Variants in TRPM3 observed in about 807,000 individuals in gnomAD.
TRPM3 encodes transient receptor potential cation channel subfamily M member 3, also known as long transient receptor potential channel 3.
Under a neutral mutation model 181.2 loss-of-function variants are expected in TRPM3, and 77 were observed. The ratio of observed to expected loss-of-function variants is 0.42; its 90% CI spans 0.35 to 0.51. The LOEUF (loss-of-function observed/expected upper bound fraction) is 0.51, where lower values mean the gene tolerates loss of function less well. Ranked by LOEUF, TRPM3 falls within the 20% of genes least tolerant of loss-of-function variation. The pLI, the probability that TRPM3 is intolerant of heterozygous loss-of-function variation, is 0.01. For missense variants in TRPM3, 1,759 were observed against 2,196.7 expected, an observed-to-expected ratio of 0.80 and a Z score of 3.98; for synonymous variants, 745 against 796.4, an observed-to-expected ratio of 0.94 and a Z score of 1.09.
chr9:70,655,181 C>T (rs2060136875), intron 9 of TRPM3, among the ~76,000 whole-genome samples: 1 of 150,362 alleles, frequency 6.7e-6, no homozygotes, highest in Non-Finnish European at 1.5e-5. Context: ...TGGCTCGTGC[C>T]TGTAATCCCT....
intron 1 of TRPM3, among the ~76,000 whole-genome samples, chr9:71,095,551 G>A (rs897380728): frequency 2.6e-5 from 4 of 152,076 alleles, no homozygotes; most frequent in African/African-American, 9.7e-5. Context: ...CTGAGGTCAG[G>A]AGTTCGAGAC....
At chr9:71,323,761 C>T (rs944251176) in intron 1 of TRPM3, among the ~76,000 whole-genome samples, 5 of 152,058 alleles carry the variant, frequency 3.3e-5, no homozygotes, top group South Asian at 2.1e-4. Context: ...AAAGTTGACA[C>T]GTTAAGATGA....
intron 1 of TRPM3, among the ~76,000 whole-genome samples, chr9:71,135,939 T>C (rs907219580): frequency 3.3e-5 from 5 of 152,212 alleles, no homozygotes. Flanking sequence ...GATGCCACAC[T>C]TGCAGCATAA....
chr9:70,841,900 A>C (rs182470664), intron 5 of TRPM3, among the ~76,000 whole-genome samples: 69 of 151,874 alleles, frequency 4.5e-4, no homozygotes, highest in African/African-American at 1.0e-3. Flanking sequence ...ATGGACATAC[A>C]GAGTGGAATA....
At chr9:71,412,276 C>A (rs1308904469) in intron 1 of TRPM3, among the ~76,000 whole-genome samples, 1 of 152,112 alleles carries the variant, frequency 6.6e-6, no homozygotes, top group Admixed American at 6.6e-5. Context: ...AGAGCTTCTG[C>A]ACAGCAAAAG....
At chr9:71,166,466 A>T (rs1224881043) in intron 1 of TRPM3, among the ~76,000 whole-genome samples, 2 of 152,038 alleles carry the variant, frequency 1.3e-5, no homozygotes, top group African/African-American at 2.4e-5. Flanking sequence ...ATATTGTCCT[A>T]CTGTCACCAA....
chr9:70,739,097 A>T (rs2073420669), intron 8 of TRPM3, among the ~76,000 whole-genome samples: 1 of 152,210 alleles, frequency 6.6e-6, no homozygotes, highest in Admixed American at 6.5e-5. Context: ...ATTTCAAAAG[A>T]TAAAGAGGGA....
intron 1 of TRPM3, among the ~76,000 whole-genome samples, chr9:71,065,191 G>A (rs1244161909): frequency 3.3e-5 from 5 of 152,088 alleles, no homozygotes; most frequent in Non-Finnish European, 7.4e-5. Flanking sequence ...GAAGGTAATA[G>A]ACACTTAAGA....
intron 1 of TRPM3, among the ~76,000 whole-genome samples, chr9:71,058,178 G>A (rs188874955): frequency 8.9e-4 from 135 of 152,168 alleles, no homozygotes; most frequent in South Asian, 1.7e-3. Flanking sequence ...AGCAAGTTGT[G>A]CAGCCACATG....
chr9:71,378,855 T>C (rs2092725913), intron 1 of TRPM3, among the ~76,000 whole-genome samples: 1 of 152,040 alleles, frequency 6.6e-6, no homozygotes, highest in South Asian at 2.1e-4. Context: ...GCATTATATA[T>C]TATTGAATAA....
At chr9:71,033,942 T>G (rs542543385) in intron 1 of TRPM3, among the ~76,000 whole-genome samples, 124 of 152,042 alleles carry the variant, frequency 8.2e-4, no homozygotes, top group Non-Finnish European at 1.5e-3. Flanking sequence ...ACACCGACAC[T>G]CACTCACACT....
At chr9:71,086,829 G>T (rs2065350316) in intron 1 of TRPM3, among the ~76,000 whole-genome samples, 2 of 152,030 alleles carry the variant, frequency 1.3e-5, no homozygotes, top group African/African-American at 4.8e-5. Flanking sequence ...AGAGCTAGGA[G>T]TAGGTTAGGA....
At chr9:70,981,884 C>G (rs959393529) in intron 1 of TRPM3, among the ~76,000 whole-genome samples, 1 of 152,206 alleles carries the variant, frequency 6.6e-6, no homozygotes, top group African/African-American at 2.4e-5. Flanking sequence ...TATCCCCAAA[C>G]AAATTGGACT....
At chr9:71,064,100 C>G (rs1403103887) in intron 1 of TRPM3, among the ~76,000 whole-genome samples, 1 of 152,142 alleles carries the variant, frequency 6.6e-6, no homozygotes, top group Non-Finnish European at 1.5e-5. Flanking sequence ...ATACTACCCT[C>G]TCATATTATG....
chr9:71,036,865 T>C (rs2058270054), intron 1 of TRPM3, among the ~76,000 whole-genome samples: 1 of 152,170 alleles, frequency 6.6e-6, no homozygotes, highest in African/African-American at 2.4e-5. Flanking sequence ...TACTCAAATA[T>C]GAGTAAAAAC....
At chr9:70,812,032 A>G (rs1192748235) in intron 6 of TRPM3, among the ~76,000 whole-genome samples, 1 of 152,196 alleles carries the variant, frequency 6.6e-6, no homozygotes, top group East Asian at 1.9e-4. Flanking sequence ...TAGGAGATAA[A>G]CTTAATGGTA....
intron 9 of TRPM3, among the ~76,000 whole-genome samples, chr9:70,671,631 C>T (rs1045198611): frequency 6.6e-5 from 10 of 152,122 alleles, no homozygotes; most frequent in African/African-American, 2.4e-4. Flanking sequence ...GAGAGAATGT[C>T]TGAACCCTGA....
rs775581346 is a variant in TRPM3 at position 70,625,350 on chromosome 9, A to G, written c.1669-19T>C. 1 of 1,613,724 alleles carries G rather than the reference A, an allele frequency of 6.2e-7. No individual in the cohort carries two copies. The highest frequency in any genetic ancestry group is 8.5e-7 in the Non-Finnish European group (1 of 1,179,684). On this transcript the variant is annotated intron_variant, in intron 13 of 25. Transcript: ENST00000677713. The surrounding 1 kb of genome is among the most constrained non-coding windows in gnomAD (Gnocchi z 4.8). ...GGTTCCCCTATCAGGGTAGAATGAA[A>G]CAAACAGACAAATCCAAAAGACAAC...
intron 5 of TRPM3, among the ~76,000 whole-genome samples, chr9:70,837,132 C>T (rs1047937133): frequency 1.3e-5 from 2 of 152,116 alleles, no homozygotes; most frequent in African/African-American, 2.4e-5. Flanking sequence ...CTAATCTAAT[C>T]GTAAAAATCC....
Sources: allele counts gnomAD v4.1 joint callset (sites outside exome capture counted in the v4.1 genomes callset), GRCh38; gene constraint gnomAD v4.1.1; non-coding constraint Gnocchi (gnomAD v3.1); transcripts MANE v1.5; gene names NCBI Gene and HGNC (gene_info 2026-07-23, HGNC 2026-07-21).